The following PM20D2 variants were observed in gnomAD, a reference collection of about 807,000 sequenced individuals.
The protein encoded by PM20D2 is peptidase M20 domain containing 2.
Under a neutral mutation model 42.9 loss-of-function variants are expected in PM20D2, and 33 were observed. The observed-to-expected ratio is 0.77, with a 90% CI of 0.58 to 1.03. PM20D2 has a LOEUF of 1.03. Among genes scored for constraint, PM20D2 ranks in the 50% least tolerant of loss-of-function variants. The pLI, the probability that PM20D2 is intolerant of heterozygous loss-of-function variation, is 0.00. For missense variants in PM20D2, 548 were observed against 557.0 expected, an observed-to-expected ratio of 0.98 and a Z score of 0.16; for synonymous variants, 250 against 228.2, an observed-to-expected ratio of 1.10 and a Z score of -0.86.
At chr6:89,125,821 C>T in the PM20D2 span, among the ~76,000 whole-genome samples, 30 of 151,898 alleles carry the variant, frequency 2.0e-4, no homozygotes, top group Middle Eastern at 0.01. Context: ...CACAGTGGCT[C>T]ATGCCTGTAT....
chr6:89,130,203 C>T, the PM20D2 span, among the ~76,000 whole-genome samples: 34 of 152,254 alleles, frequency 2.2e-4, no homozygotes, highest in Middle Eastern at 6.8e-3. Context: ...CATACCCCAA[C>T]CTCCTGAGTA....
Position 89,155,477 on chromosome 6 carries a change from A to G in PM20D2, c.912+575A>G, listed in dbSNP as rs558948189. ...TAATTTTTTGTATGTTTTTCTGGAG[A>G]CAGGGTCTCACCATGTTGCCCAGGC... is the stretch of plus-strand genomic sequence containing the variant. On this transcript the variant is annotated intron_variant, in intron 4 of 6. Coordinates refer to ENST00000275072, the MANE Select transcript of PM20D2 (RefSeq NM_001010853.3). 7.3e-5 allele frequency among the ~76,000 whole-genome samples: 11 copies of G among 151,024 alleles called. No individual in the cohort carries two copies. In the East Asian group the frequency reaches 2.2e-3, roughly 30 times the overall value.
chr6:89,142,319 A>G (rs546583411), upstream of PM20D2, among the ~76,000 whole-genome samples: 8 of 152,264 alleles, frequency 5.3e-5, no homozygotes, highest in South Asian at 1.7e-3. Flanking sequence ...CAGCTAGAGA[A>G]GTTTCTGGAG....
Position 89,146,601 on chromosome 6 carries a change from C to T in PM20D2, c.457C>T (p.Pro153Ser), listed in dbSNP as rs1277121148. 5.2e-5 allele frequency: 75 copies of T among 1,444,574 alleles called. No homozygotes were observed. Among genetic ancestry groups the T allele is most frequent in the Non-Finnish European group, 6.3e-5 (70 of 1,105,416 alleles). The allele number at this position is 1,444,574 out of a possible 1,614,324, so 89.5% of individuals were successfully genotyped here. A position where few individuals can be genotyped will look rare whatever the true frequency, so the allele number is the denominator to read the frequency against. Residue 153 changes from proline to serine, a missense_variant, in exon 1 of 7, where the codon CCC becomes TCC. Transcript: ENST00000275072. Reference protein sequence around the residue: ...ALEGLPRPPPPVKVVVLGTPA... With the variant: ...ALEGLPRPPPSVKVVVLGTPA... Reference sequence around the variant, plus strand: ...AGAGGGCCTCCCCAGGCCGCCTCCGCCCGTGAAGGTGAGGTGGGGCCCGGG... The same window carrying T: ...AGAGGGCCTCCCCAGGCCGCCTCCGTCCGTGAAGGTGAGGTGGGGCCCGGG...
At chr6:89,138,616 A>G in the PM20D2 span, among the ~76,000 whole-genome samples, 2 of 152,272 alleles carry the variant, frequency 1.3e-5, no homozygotes, top group Admixed American at 6.5e-5. Context: ...TTGGGAGGCC[A>G]AAGTGCTAAT....
At chr6:89,147,213 A>G (rs1215679292) in intron 1 of PM20D2, among the ~76,000 whole-genome samples, 1 of 152,134 alleles carries the variant, frequency 6.6e-6, no homozygotes, top group Non-Finnish European at 1.5e-5. Flanking sequence ...TTGTTTTATG[A>G]TTTTAAGAAA....
At chr6:89,124,199 A>G in the PM20D2 span, among the ~76,000 whole-genome samples, 1 of 151,964 alleles carries the variant, frequency 6.6e-6, no homozygotes, top group South Asian at 2.1e-4. Flanking sequence ...CCTAATGTAA[A>G]TATGGAAAGG....
intron 3 of PM20D2, among the ~76,000 whole-genome samples, 195 bp downstream of exon 3, chr6:89,153,380 G>C (rs1419984663): frequency 6.6e-6 from 1 of 152,036 alleles, no homozygotes; most frequent in Non-Finnish European, 1.5e-5. Flanking sequence ...TAGAAAGACA[G>C]TTTTGATTAT....
chr6:89,105,011 G>T, the PM20D2 span: 1 of 1,109,822 alleles, frequency 9.0e-7, no homozygotes, highest in Non-Finnish European at 1.2e-6. Context: ...GGCCATGATC[G>T]CACACTACTG....
the PM20D2 span, among the ~76,000 whole-genome samples, chr6:89,108,099 T>C: frequency 6.6e-6 from 1 of 152,230 alleles, no homozygotes; most frequent in East Asian, 1.9e-4. Flanking sequence ...AAGTAACTAC[T>C]GTATTCCCAA....
At chr6:89,105,011 G>A in the PM20D2 span, 22 of 1,109,830 alleles carry the variant, frequency 2.0e-5, 1 homozygote, top group Middle Eastern at 2.9e-4. Flanking sequence ...GGCCATGATC[G>A]CACACTACTG....
chr6:89,105,187 G>T, the PM20D2 span: 12 of 1,611,978 alleles, frequency 7.4e-6, no homozygotes, highest in Admixed American at 6.7e-5. Flanking sequence ...TTCTTCTTTG[G>T]CTGGGGCTTC....
Position 89,162,333 on chromosome 6 carries a change from G to C in PM20D2, c.*70G>C, listed in dbSNP as rs1453488764. On this transcript the variant is annotated 3_prime_UTR_variant, in exon 7 of 7. Coordinates refer to ENST00000275072, the MANE Select transcript of PM20D2 (RefSeq NM_001010853.3). The stretch of plus-strand genomic sequence containing the variant: ...TTTCTTTTAATCTCTTTTAATGAAG[G>C]CATGCTTGTTTTTTAATCTTAAAGG... The C allele has an allele frequency of 2.1e-6, 3 of 1,433,170 alleles. No individual in the cohort carries two copies. The highest frequency in any genetic ancestry group is 2.8e-5 in the South Asian group (2 of 72,392). The allele number at this position is 1,433,170 out of a possible 1,614,324, so 88.8% of individuals were successfully genotyped here. A position where few individuals can be genotyped will look rare whatever the true frequency, so the allele number is the denominator to read the frequency against.
At chr6:89,124,730 G>GTTTTT in the PM20D2 span, among the ~76,000 whole-genome samples, 1 of 58,088 alleles carries the variant, frequency 1.7e-5, no homozygotes, top group Admixed American at 1.6e-4. Flanking sequence ...TGTTGTTGCT[G>GTTTTT]TTGTTGTTTT....
At chr6:89,127,520 G>A in the PM20D2 span, among the ~76,000 whole-genome samples, 3 of 152,080 alleles carry the variant, frequency 2.0e-5, no homozygotes, top group Non-Finnish European at 4.4e-5. Flanking sequence ...TAGAGATGGA[G>A]TTTCACCATG....
At chr6:89,102,449 A>G in the PM20D2 span, among the ~76,000 whole-genome samples, 1 of 152,048 alleles carries the variant, frequency 6.6e-6, no homozygotes, top group South Asian at 2.1e-4. Flanking sequence ...ATTTTTTATT[A>G]TATATTTATA....
chr6:89,130,775 A>G, the PM20D2 span, among the ~76,000 whole-genome samples: 16 of 145,134 alleles, frequency 1.1e-4, no homozygotes, highest in African/African-American at 4.1e-4. Flanking sequence ...CTTCTAATAA[A>G]TGGAGTCATA....
chr6:89,164,156 A>C lies in PM20D2; in HGVS notation c.*1893A>C, dbSNP rs1771333370. ...TTTAATTGCCTCTATAGCACTCATA[A>C]GAGCTAGGGCATTAGGATAAACTAG... On this transcript the variant is annotated 3_prime_UTR_variant, in exon 7 of 7. Transcript: ENST00000275072. 6.6e-6 allele frequency: 1 copy of C among 152,210 alleles called. No homozygotes were observed. The highest frequency in any genetic ancestry group is 1.5e-5 in the Non-Finnish European group (1 of 68,034). The allele number at this position is 152,210 out of a possible 1,614,324, so 9.4% of individuals were successfully genotyped here. A position where few individuals can be genotyped will look rare whatever the true frequency, so the allele number is the denominator to read the frequency against.
chr6:89,154,609 T>G (rs1770968410), intron 3 of PM20D2, 139 bp from the exon 4 acceptor site: 6 of 557,540 alleles, frequency 1.1e-5, no homozygotes, highest in Admixed American at 6.6e-5. Context: ...AACAAAATCT[T>G]TGATTGGTGT....
Sources: gnomAD v4.1 joint callset for allele counts (sites outside exome capture counted in the v4.1 genomes callset) on GRCh38, gnomAD v4.1.1 for gene constraint, MANE v1.5 for transcripts, NCBI Gene and HGNC (gene_info 2026-07-23, HGNC 2026-07-21) for gene names.